CPPED1: variants seen among roughly 807,000 people sequenced by gnomAD.
CPPED1 encodes the protein calcineurin like phosphoesterase domain containing 1, also known as serine/threonine-protein phosphatase CPPED1.
Under a neutral mutation model 28.0 loss-of-function variants are expected in CPPED1, and 28 were observed. The observed-to-expected ratio is 1.00, with a 90% CI of 0.74 to 1.37. CPPED1 has a LOEUF of 1.37. Among genes scored for constraint, CPPED1 ranks in the 40% most tolerant of loss-of-function variants. CPPED1 has a pLI of 0.00. For synonymous variants in CPPED1, 198 were observed against 180.2 expected (o/e 1.10, Z -0.79); for missense variants, 504 against 416.5 (o/e 1.21, Z -1.83).
chr16:12,697,793 C>G (rs947843422), intron 3 of CPPED1, among the ~76,000 whole-genome samples: 19 of 152,126 alleles, frequency 1.2e-4, no homozygotes, highest in African/African-American at 3.4e-4. Flanking sequence ...ATTGACCCCT[C>G]TAGGCGAAGC....
At chr16:12,720,014 C>A (rs2080130476) in intron 2 of CPPED1, among the ~76,000 whole-genome samples, 1 of 152,184 alleles carries the variant, frequency 6.6e-6, no homozygotes, top group African/African-American at 2.4e-5. Flanking sequence ...TGCACACACA[C>A]ACACACATAC....
intron 2 of CPPED1, among the ~76,000 whole-genome samples, chr16:12,742,285 C>A (rs1015610264): frequency 6.6e-6 from 1 of 151,996 alleles, no homozygotes; most frequent in East Asian, 1.9e-4. Flanking sequence ...GGTTGCATAG[C>A]GTGACATGTT....
intron 3 of CPPED1, among the ~76,000 whole-genome samples, chr16:12,691,264 A>G (rs979528245): frequency 2.0e-5 from 3 of 152,200 alleles, no homozygotes; most frequent in African/African-American, 4.8e-5. Flanking sequence ...TTTTACTAGT[A>G]TAGTGTCCTG....
At chr16:12,784,147 T>C (rs996200099) in intron 1 of CPPED1, among the ~76,000 whole-genome samples, 7 of 152,232 alleles carry the variant, frequency 4.6e-5, no homozygotes, top group Non-Finnish European at 8.8e-5. Context: ...CTCAGAGCCC[T>C]TGCTCTGGAG....
chr16:12,787,405 CTTTTTTTT>C lies in CPPED1; in HGVS notation c.71-6010_71-6003del, dbSNP rs57802112. Among the ~76,000 whole-genome samples the C allele has an allele frequency of 2.6e-3, 371 of 140,890 alleles. 2 individuals are homozygous for C. Among genetic ancestry groups the C allele is most frequent in the African/African-American group, 9.5e-3 (351 of 36,972 alleles). 92.4% of individuals were successfully genotyped at this position (140,890 alleles called of 152,430 possible). On this transcript the variant is annotated intron_variant, in intron 1 of 3. Coordinates refer to ENST00000381774, the MANE Select transcript of CPPED1 (RefSeq NM_018340.3). ...GAATATCCAGAATGAATTTTTCTTT[CTTTTTTTT>C]TTTTTTTTTTGAGATGGAGTCTCAC...
intron 2 of CPPED1, among the ~76,000 whole-genome samples, chr16:12,728,257 G>A (rs760720842): frequency 3.3e-5 from 5 of 152,030 alleles, no homozygotes; most frequent in South Asian, 2.1e-4. Context: ...AATGTATTAC[G>A]TACAGTAATA....
chr16:12,687,153 T>A (rs2079937553), intron 3 of CPPED1, among the ~76,000 whole-genome samples: 1 of 152,198 alleles, frequency 6.6e-6, no homozygotes, highest in Admixed American at 6.5e-5. Flanking sequence ...TGCCAACTCT[T>A]GACCTATACT....
chr16:12,672,426 T>C (rs541215065), intron 3 of CPPED1, among the ~76,000 whole-genome samples: 1 of 152,362 alleles, frequency 6.6e-6, no homozygotes, highest in Admixed American at 6.5e-5. Context: ...AATGACATTA[T>C]GCGCATTTTT....
At chr16:12,793,518 T>A (rs920990141) in intron 1 of CPPED1, among the ~76,000 whole-genome samples, 2 of 152,204 alleles carry the variant, frequency 1.3e-5, no homozygotes, top group Non-Finnish European at 2.9e-5. Context: ...ATGATGCAAG[T>A]TCCTGAACCT....
At chr16:12,700,338 G>A (rs1268648038) in intron 3 of CPPED1, among the ~76,000 whole-genome samples, 3 of 152,186 alleles carry the variant, frequency 2.0e-5, no homozygotes, top group African/African-American at 4.8e-5. Flanking sequence ...GCCAGCCTGG[G>A]GACCAGAGCA....
chr16:12,755,205 G>T (rs1346078631), intron 2 of CPPED1, among the ~76,000 whole-genome samples: 1 of 151,892 alleles, frequency 6.6e-6, no homozygotes, highest in South Asian at 2.1e-4. Context: ...TTTATGACGA[G>T]CATACCAGTG....
intron 3 of CPPED1, among the ~76,000 whole-genome samples, chr16:12,696,588 C>T (rs566891620): frequency 9.3e-4 from 141 of 151,872 alleles, no homozygotes; most frequent in African/African-American, 3.2e-3. Context: ...ATTACAGGCA[C>T]TCACCACCAC....
intron 2 of CPPED1, among the ~76,000 whole-genome samples, chr16:12,728,115 A>C (rs1404427775): frequency 1.3e-5 from 2 of 152,090 alleles, no homozygotes; most frequent in Non-Finnish European, 2.9e-5. Context: ...TTCTGTTATT[A>C]TTGCTGGATT....
chr16:12,740,029 GAAAA>G (rs2080246209), intron 2 of CPPED1, among the ~76,000 whole-genome samples: 1 of 103,394 alleles, frequency 9.7e-6, no homozygotes, highest in Non-Finnish European at 2.0e-5. Flanking sequence ...ACGAAAGAAA[GAAAA>G]GAAAAGAAAA....
intron 2 of CPPED1, among the ~76,000 whole-genome samples, chr16:12,770,631 T>A (rs1312454083): frequency 6.6e-6 from 1 of 152,068 alleles, no homozygotes; most frequent in African/African-American, 2.4e-5. Flanking sequence ...GAGACCAGCC[T>A]GGCCAACATA....
chr16:12,713,698 T>C (rs1210275241), intron 2 of CPPED1, among the ~76,000 whole-genome samples: 1 of 152,144 alleles, frequency 6.6e-6, no homozygotes, highest in Non-Finnish European at 1.5e-5. Flanking sequence ...AAATATGATA[T>C]GTGTTTCTCA....
intron 2 of CPPED1, among the ~76,000 whole-genome samples, chr16:12,762,257 A>C (rs2141227437): frequency 6.6e-6 from 1 of 152,330 alleles, no homozygotes; most frequent in Middle Eastern, 3.4e-3. Flanking sequence ...TCGGGGGAAG[A>C]GGGTAACGCC....
At chr16:12,734,626 A>C (rs969957218) in intron 2 of CPPED1, among the ~76,000 whole-genome samples, 6 of 152,098 alleles carry the variant, frequency 3.9e-5, no homozygotes, top group Non-Finnish European at 7.4e-5. Flanking sequence ...TGATCCGCCC[A>C]CGTCGGCCTC....
At chr16:12,713,482 C>CA (rs200914393) in intron 2 of CPPED1, among the ~76,000 whole-genome samples, 2,005 of 152,262 alleles carry the variant, frequency 0.013, 46 homozygotes, top group African/African-American at 0.045. Context: ...TCTCCTGCCT[C>CA]AACCTCCTGA....
Sources: allele counts gnomAD v4.1 joint callset (sites outside exome capture counted in the v4.1 genomes callset), GRCh38; gene constraint gnomAD v4.1.1; transcripts MANE v1.5; gene names NCBI Gene and HGNC (gene_info 2026-07-23, HGNC 2026-07-21).